Variants in ZBTB16 observed in about 807,000 individuals in gnomAD.
The protein encoded by ZBTB16 is zinc finger and BTB domain-containing protein 16.
In ZBTB16, 8 loss-of-function variants were observed where a neutral mutation model predicts 56.8. The observed-to-expected ratio is 0.14, with a 90% CI of 0.08 to 0.25. ZBTB16 has a LOEUF of 0.25. Ranked by LOEUF, ZBTB16 falls within the 10% of genes least tolerant of loss-of-function variation. The pLI is 1.00. For missense variants in ZBTB16, 625 were observed against 903.0 expected, an observed-to-expected ratio of 0.69 and a Z score of 3.95; for synonymous variants, 363 against 368.5, an observed-to-expected ratio of 0.98 and a Z score of 0.17.
At chr11:114,077,856 A>G (rs1421705305) in intron 2 of ZBTB16, among the ~76,000 whole-genome samples, 1 of 152,232 alleles carries the variant, frequency 6.6e-6, no homozygotes, top group Non-Finnish European at 1.5e-5. Flanking sequence ...GGCCAGTCCC[A>G]CATTCTTAGT....
chr11:114,156,358 G>A lies in ZBTB16; in HGVS notation c.1290G>A (p.Lys430=). 14 of 1,614,252 alleles carry A rather than the reference G, an allele frequency of 8.7e-6. No homozygotes were observed. Among genetic ancestry groups the A allele is most frequent in the Non-Finnish European group, 1.2e-5 (14 of 1,180,048 alleles). The change falls in exon 3 of 7, where the codon AAG becomes AAA. Residue 430 remains lysine, a synonymous_variant. Transcript: ENST00000335953. ...EQHRKLHSGM[K]TYGCELCGKR... is the part of the protein sequence containing the mutation. Reference sequence around the variant, plus strand: ...ACAGGAAGCTGCACAGTGGGATGAAGACGTACGGGTGCGAGCTCTGCGGGA... The same window carrying A: ...ACAGGAAGCTGCACAGTGGGATGAAAACGTACGGGTGCGAGCTCTGCGGGA...
intron 4 of ZBTB16, among the ~76,000 whole-genome samples, chr11:114,197,486 TC>T (rs1444809619): frequency 3.9e-5 from 6 of 152,238 alleles, no homozygotes; most frequent in Middle Eastern, 6.8e-3. Flanking sequence ...CTGTGTGGCC[TC>T]CCCCTTTGGA....
At position 114,064,006 on chromosome 11, in the gene ZBTB16, C is replaced by T; in HGVS notation, c.706C>T (p.Pro236Ser). The T allele has an allele frequency of 6.2e-7, 1 of 1,613,342 alleles. No individual in the cohort carries two copies. The highest frequency in any genetic ancestry group is 8.5e-7 in the Non-Finnish European group (1 of 1,179,730). Residue 236 changes from proline to serine, a missense_variant, in exon 2 of 7, where the codon CCT (proline) becomes TCT (serine). Transcript: ENST00000335953. The surrounding 1 kb of genome is among the most constrained non-coding windows in gnomAD (Gnocchi z 4.2). The stretch of plus-strand genomic sequence containing the variant: ...AACTCTGGCTGGGGGTGGGCGGCAC[C>T]CTGGGGTGGCTGAGGTGAAGACGGA... ...EPTLAGGGRH[P>S]GVAEVKTEMM...
At chr11:114,198,053 A>T (rs1943648478) in intron 4 of ZBTB16, among the ~76,000 whole-genome samples, 1 of 152,074 alleles carries the variant, frequency 6.6e-6, no homozygotes, top group African/African-American at 2.4e-5. Flanking sequence ...AACGAACCTC[A>T]AACCTCTGTC....
intron 4 of ZBTB16, among the ~76,000 whole-genome samples, chr11:114,190,146 G>A (rs1384988670): frequency 6.6e-6 from 1 of 152,178 alleles, no homozygotes. Flanking sequence ...TAGGTGCCAG[G>A]GGCTGGGGAA....
intron 2 of ZBTB16, among the ~76,000 whole-genome samples, chr11:114,079,111 A>G (rs370208633): frequency 1.4e-4 from 11 of 81,364 alleles, no homozygotes; most frequent in Non-Finnish European, 2.0e-4. Flanking sequence ...AAAAAAAAAA[A>G]AAGAAGAAGA....
At chr11:114,178,876 T>C (rs1055034568) in intron 3 of ZBTB16, among the ~76,000 whole-genome samples, 2 of 152,200 alleles carry the variant, frequency 1.3e-5, no homozygotes, top group African/African-American at 4.8e-5. Flanking sequence ...TGTCAGTCAT[T>C]TGCCAGGTCA....
intron 4 of ZBTB16, among the ~76,000 whole-genome samples, chr11:114,191,005 G>A (rs1225100427): frequency 6.6e-6 from 1 of 152,168 alleles, no homozygotes; most frequent in Non-Finnish European, 1.5e-5. Flanking sequence ...CACGTGGCCA[G>A]AGCAGGAGCT....
In ZBTB16 at chr11:114,063,493, C is replaced by T. The variant is rs754172517; in HGVS notation, c.193C>T (p.Arg65Cys). 6.2e-7 allele frequency: 1 copy of T among 1,614,204 alleles called. No individual in the cohort carries two copies. Among genetic ancestry groups the T allele is most frequent in the Non-Finnish European group, 8.5e-7 (1 of 1,180,046 alleles). Residue 65 changes from arginine (R) to cysteine (C), a missense_variant, in exon 2 of 7, where the codon CGC becomes TGC. Around this residue, in one of 6 missense-constraint regions of ZBTB16, gnomAD observed 54 missense variants for 159.4 expected, o/e 0.34. Transcript: ENST00000335953. This position sits in a 1 kb window ranked among gnomAD's most constrained non-coding sequence, Gnocchi z 6.5. ...TSKMFEILFH[R>C]NSQHYTLDFL... Reference sequence around the variant, plus strand: ...CAAGATGTTTGAGATCCTCTTCCACCGCAATAGTCAACACTATACTTTGGA... The same window carrying T: ...CAAGATGTTTGAGATCCTCTTCCACTGCAATAGTCAACACTATACTTTGGA...
At position 114,113,951 on chromosome 11, in the gene ZBTB16, C is replaced by G. The variant is rs1320827545; in HGVS notation, c.1269-42386C>G. Among the ~76,000 whole-genome samples, 3 of 152,200 alleles carry G rather than the reference C, an allele frequency of 2.0e-5. No homozygotes were observed. In the East Asian group the frequency reaches 5.8e-4, roughly 29 times the overall value. On this transcript the variant is annotated intron_variant, in intron 2 of 6. Coordinates refer to ENST00000335953, the MANE Select transcript of ZBTB16 (RefSeq NM_006006.6). Reference sequence around the variant, plus strand: ...TTAGCTAAATTAGCCAAGTTTAAATCCATGGTAAGGCGAAACTCCCACTTC... The same window carrying G: ...TTAGCTAAATTAGCCAAGTTTAAATGCATGGTAAGGCGAAACTCCCACTTC...
At chr11:114,115,218 T>C (rs1276732642) in intron 2 of ZBTB16, among the ~76,000 whole-genome samples, 1 of 152,124 alleles carries the variant, frequency 6.6e-6, no homozygotes, top group East Asian at 1.9e-4. Context: ...ACCTTTGCTT[T>C]TATAGGTGAG....
chr11:114,219,940 A>G (rs1174072307), intron 4 of ZBTB16, among the ~76,000 whole-genome samples: 4 of 152,182 alleles, frequency 2.6e-5, no homozygotes, highest in Non-Finnish European at 5.9e-5. Flanking sequence ...GTGAGGGGGA[A>G]TGCTGTGGGT....
chr11:114,191,031 G>A (rs944848047), intron 4 of ZBTB16, among the ~76,000 whole-genome samples: 2 of 152,038 alleles, frequency 1.3e-5, no homozygotes, highest in African/African-American at 4.8e-5. Flanking sequence ...GAGAGAGTTG[G>A]GTGAGGGAGA....
intron 2 of ZBTB16, 74 bp from the exon 3 acceptor site, chr11:114,156,263 C>T: frequency 1.3e-6 from 2 of 1,489,686 alleles, no homozygotes; most frequent in Non-Finnish European, 9.3e-7. Flanking sequence ...GGCTGCCAAG[C>T]CCCCAGGTAG....
chr11:114,139,942 C>T (rs907820113), intron 2 of ZBTB16, among the ~76,000 whole-genome samples: 1 of 152,148 alleles, frequency 6.6e-6, no homozygotes, highest in Non-Finnish European at 1.5e-5. Context: ...GCTCCTAGAG[C>T]GTGTCAGACC....
At position 114,059,936 on chromosome 11, in the gene ZBTB16, GC is replaced by G. The variant is rs1397277966; in HGVS notation, c.-91+55del. 7.6e-6 allele frequency: 3 copies of G among 395,760 alleles called. No homozygotes were observed. Among genetic ancestry groups the G allele is most frequent in the Non-Finnish European group, 1.3e-5 (3 of 224,528 alleles). The allele number at this position is 395,760 out of a possible 1,614,324, so 24.5% of individuals were successfully genotyped here. On this transcript the variant is annotated intron_variant, in intron 1 of 6. Transcript: ENST00000335953. The surrounding 1 kb of genome is among the most constrained non-coding windows in gnomAD (Gnocchi z 5.3). ...CGCCCAGCGAGCGCCGCGCGCCGGG[GC>G]TTCCCGGGGCTGGAGAGGTCTGGGG...
At chr11:114,206,769 C>T (rs576810926) in intron 4 of ZBTB16, among the ~76,000 whole-genome samples, 1 of 152,356 alleles carries the variant, frequency 6.6e-6, no homozygotes, top group Admixed American at 6.5e-5. Context: ...GATATACCTG[C>T]ACTAAGAATT....
At chr11:114,178,240 A>G (rs1344232491) in intron 3 of ZBTB16, among the ~76,000 whole-genome samples, 1 of 152,226 alleles carries the variant, frequency 6.6e-6, no homozygotes, top group Non-Finnish European at 1.5e-5. Flanking sequence ...TCTCCTGATG[A>G]CAATGATGAT....
rs548096190 is a variant in ZBTB16, at chr11:114,060,499, G to A, written c.-91+617G>A. 11 of 152,198 alleles carry A rather than the reference G, an allele frequency of 7.2e-5. No homozygotes were observed. The highest frequency in any genetic ancestry group is 1.4e-4 in the African/African-American group (6 of 41,554). 9.4% of individuals were successfully genotyped at this position (152,198 alleles called of 1,614,324 possible). ...GCAGGGGAGGGAGGGAAGCTCCAGA[G>A]GGTCTGCAGCGCTGCGGGCCCTCCT... On this transcript the variant is annotated intron_variant, in intron 1 of 6. Coordinates refer to ENST00000335953, the MANE Select transcript of ZBTB16 (RefSeq NM_006006.6). The surrounding 1 kb of genome is among the most constrained non-coding windows in gnomAD (Gnocchi z 6.0).
Sources: gnomAD v4.1 joint callset for allele counts (sites outside exome capture counted in the v4.1 genomes callset) on GRCh38, gnomAD v4.1.1 for gene constraint, gnomAD v4.1.1 regional missense constraint, Gnocchi (gnomAD v3.1) non-coding constraint, MANE v1.5 for transcripts, NCBI Gene and HGNC (gene_info 2026-07-23, HGNC 2026-07-21) for gene names.